Variants in ARHGEF7 observed in about 807,000 individuals in gnomAD.
ARHGEF7 encodes PAK-interacting exchange factor beta.
ARHGEF7 carries 33 observed loss-of-function variants against 109.8 expected under a neutral mutation model. That is an observed-to-expected ratio of 0.30 (90% CI 0.23 to 0.40). The LOEUF is 0.40. Ranked by LOEUF, ARHGEF7 falls within the 10% of genes least tolerant of loss-of-function variation. The pLI is 1.00. For missense variants in ARHGEF7, 938 were observed against 1,098.5 expected (o/e 0.85, Z 2.07); for synonymous variants, 458 against 424.6 (o/e 1.08, Z -0.97).
chr13:111,208,091 A>G (rs561430153), intron 3 of ARHGEF7, among the ~76,000 whole-genome samples: 12 of 152,250 alleles, frequency 7.9e-5, no homozygotes, highest in African/African-American at 2.2e-4. Flanking sequence ...CCCAGGCTGG[A>G]GTGCAATGGC....
chr13:111,286,273 T>TGACCAGGA, intron 17 of ARHGEF7, 33 bp downstream of exon 17: 1 of 1,546,334 alleles, frequency 6.5e-7, no homozygotes, highest in Non-Finnish European at 8.9e-7. Flanking sequence ...GTGGAGGACG[T>TGACCAGGA]GGCCTCCTGG....
chr13:111,298,139 A>AG (rs2093467846), intron 19 of ARHGEF7, among the ~76,000 whole-genome samples: 1 of 152,264 alleles, frequency 6.6e-6, no homozygotes, highest in Non-Finnish European at 1.5e-5. Context: ...GAGTAAGTGA[A>AG]GCCATTTGAT....
At position 111,292,196 on chromosome 13, in the gene ARHGEF7, G is replaced by A. The variant is rs750569242; in HGVS notation, c.2213G>A (p.Arg738His). 6 of 1,614,038 alleles carry A rather than the reference G, an allele frequency of 3.7e-6. No homozygotes were observed. Among genetic ancestry groups the A allele is most frequent in the Admixed American group, 3.3e-5 (2 of 60,028 alleles). ...CCAAGCCTAGACTCCCTGGGGCGTC[G>A]CAGTAGCCTTTCTCGTTTGGAGCCT... ...DQPSLDSLGR[R>H]SSLSRLEPSD... The change falls in exon 19 of 22, where the codon CGC becomes CAC. Residue 738 changes from arginine (R) to histidine (H), a missense_variant. Arg to His is a conservative substitution (Grantham distance 29). This residue lies in a region of ARHGEF7 where 166 missense variants were observed against 167.3 expected (regional missense o/e 0.99). Transcript: ENST00000646102.
intron 6 of ARHGEF7, among the ~76,000 whole-genome samples, chr13:111,236,956 ATTGTG>A (rs964552860): frequency 9.2e-5 from 14 of 152,148 alleles, no homozygotes; most frequent in Non-Finnish European, 1.9e-4. Context: ...ACAGAACAAG[ATTGTG>A]TCCCTAAAAA....
intron 1 of ARHGEF7, among the ~76,000 whole-genome samples, chr13:111,148,805 T>C (rs909043317): frequency 1.7e-4 from 26 of 152,208 alleles, no homozygotes; most frequent in African/African-American, 5.8e-4. Context: ...CTTCTTAGCT[T>C]TCACAGAAAT....
intron 2 of ARHGEF7, among the ~76,000 whole-genome samples, chr13:111,197,841 A>C (rs1743230101): frequency 2.0e-5 from 3 of 152,148 alleles, no homozygotes; most frequent in Admixed American, 2.0e-4. Flanking sequence ...AACTAGAGAC[A>C]GGGAGTGGTT....
intron 2 of ARHGEF7, among the ~76,000 whole-genome samples, chr13:111,201,300 G>A (rs113657756): frequency 6.6e-6 from 1 of 152,196 alleles, no homozygotes; most frequent in Admixed American, 6.5e-5. Flanking sequence ...TATATGGCCT[G>A]TGTATTTCAC....
Position 111,233,290 on chromosome 13 carries a change from T to C in ARHGEF7, c.756T>C (p.Asn252=), listed in dbSNP as rs774080716. Residue 252 remains asparagine (N), a synonymous_variant, in exon 6 of 22, where the codon AAT becomes AAC. Transcript: ENST00000646102. ...DTTAINKSYY[N]VVLQNILETE... is the part of the protein sequence containing the mutation. ...CTGCCATAAACAAAAGCTATTACAA[T>C]GTGGTGAGTAATTGCAGAACATTTT... 24 of 1,612,730 alleles carry C rather than the reference T, an allele frequency of 1.5e-5. No homozygotes were observed. The Admixed American group carries it at 3.2e-4, about 21-fold the overall frequency.
chr13:111,127,648 GAAAAAAAAAA>G (rs71206956), intron 1 of ARHGEF7, among the ~76,000 whole-genome samples: 1 of 40,044 alleles, frequency 2.5e-5, no homozygotes, highest in Middle Eastern at 0.015. Context: ...CTCTGTTTCA[GAAAAAAAAAA>G]AAAAAAAAAA....
chr13:111,206,921 C>T (rs1343855566), intron 3 of ARHGEF7, among the ~76,000 whole-genome samples: 1 of 146,622 alleles, frequency 6.8e-6, no homozygotes, highest in Non-Finnish European at 1.5e-5. Flanking sequence ...GAGATCGCGC[C>T]ACTGCACTCC....
At chr13:111,221,518 TATATCTATATATATCTATATATAGATAC>T (rs754760729) in intron 5 of ARHGEF7, among the ~76,000 whole-genome samples, 11,787 of 54,754 alleles carry the variant, frequency 0.22, 1,907 homozygotes, top group East Asian at 0.73. Flanking sequence ...TATATAGATA[TATATCTATATATATCTATATATAGATAC>T]ATATCTATAT....
intron 2 of ARHGEF7, among the ~76,000 whole-genome samples, chr13:111,201,315 G>A (rs1377124419): frequency 6.6e-6 from 1 of 152,110 alleles, no homozygotes; most frequent in African/African-American, 2.4e-5. Flanking sequence ...TTTCACAGAG[G>A]GCAAGATAAT....
rs1346336272 is a variant in ARHGEF7 at position 111,171,707 on chromosome 13, T to C, written c.252+17716T>C. On this transcript the variant is annotated intron_variant, in intron 2 of 21. Transcript: ENST00000646102. ...TTCAAGAGAAAAAGGAATGAGCCTC[T>C]AAAAACAAAGCTCTTCTGTGGCTGC... is the stretch of plus-strand genomic sequence containing the variant. Among the ~76,000 whole-genome samples, 5 of 152,202 alleles carry C rather than the reference T, an allele frequency of 3.3e-5. No individual in the cohort carries two copies. The East Asian group carries it at 9.6e-4, about 29-fold the overall frequency.
At chr13:111,128,008 C>T (rs1036792525) in intron 1 of ARHGEF7, among the ~76,000 whole-genome samples, 5 of 152,158 alleles carry the variant, frequency 3.3e-5, no homozygotes, top group South Asian at 2.1e-4. Context: ...TCCAATCCAA[C>T]GTAAACTCTT....
intron 2 of ARHGEF7, among the ~76,000 whole-genome samples, chr13:111,200,201 C>T (rs1250047337): frequency 6.6e-6 from 1 of 152,130 alleles, no homozygotes; most frequent in African/African-American, 2.4e-5. Context: ...GGGGAGAGCC[C>T]AGTGCCCTCC....
At chr13:111,268,421 G>A (rs1340748263) in intron 9 of ARHGEF7, among the ~76,000 whole-genome samples, 1 of 152,132 alleles carries the variant, frequency 6.6e-6, no homozygotes, top group Non-Finnish European at 1.5e-5. Context: ...TTTGAAAACA[G>A]AAATTCACAC....
chr13:111,230,279 T>C (rs1017796387), intron 5 of ARHGEF7, among the ~76,000 whole-genome samples: 1 of 152,342 alleles, frequency 6.6e-6, no homozygotes, highest in East Asian at 1.9e-4. Flanking sequence ...TATTAATTTT[T>C]AGCTACCAGA....
At chr13:111,151,478 A>G (rs1396819927) in intron 1 of ARHGEF7, among the ~76,000 whole-genome samples, 9 of 152,210 alleles carry the variant, frequency 5.9e-5, no homozygotes, top group Non-Finnish European at 1.3e-4. Context: ...TACACTACAA[A>G]AGTCCATATA....
intron 2 of ARHGEF7, among the ~76,000 whole-genome samples, chr13:111,183,149 A>C (rs975281161): frequency 1.3e-5 from 2 of 152,212 alleles, no homozygotes; most frequent in Non-Finnish European, 2.9e-5. Flanking sequence ...TAAATAGTCA[A>C]GAGTTAGAGG....
Sources: allele counts gnomAD v4.1 joint callset (sites outside exome capture counted in the v4.1 genomes callset), GRCh38; gene constraint gnomAD v4.1.1; regional missense constraint gnomAD v4.1.1; transcripts MANE v1.5; gene names NCBI Gene and HGNC (gene_info 2026-07-23, HGNC 2026-07-21).